The following CAPS2 variants were observed in gnomAD, a reference collection of about 807,000 sequenced individuals.
CAPS2 encodes calcyphosine 2.
A neutral mutation model predicts 86.5 loss-of-function variants in CAPS2; 98 were observed. The ratio of observed to expected loss-of-function variants is 1.13; its 90% CI spans 0.96 to 1.34. The LOEUF (loss-of-function observed/expected upper bound fraction) is 1.34, where lower values mean the gene tolerates loss of function less well. CAPS2 is among the 40% of genes most tolerant of loss of function. CAPS2 has a pLI of 0.00. For missense variants in CAPS2, 729 were observed against 686.8 expected (o/e 1.06, Z -0.69); for synonymous variants, 210 against 225.1 (o/e 0.93, Z 0.60).
chr12:75,282,531 C>A (rs1329938929), intron 15 of CAPS2, among the ~76,000 whole-genome samples, 184 bp from the exon 16 acceptor site: 2 of 151,982 alleles, frequency 1.3e-5, no homozygotes, highest in African/African-American at 4.8e-5. Flanking sequence ...GGACTACAGG[C>A]GCCCGCCACC....
intron 1 of CAPS2, among the ~76,000 whole-genome samples, chr12:75,339,351 T>C (rs1172959836): frequency 6.6e-6 from 1 of 152,212 alleles, no homozygotes; most frequent in Non-Finnish European, 1.5e-5. Flanking sequence ...TAATGCTAAC[T>C]GATGTTGAGC....
At chr12:75,334,516 C>T (rs1026777786), upstream of CAPS2, 6 of 1,361,302 alleles carry the variant, frequency 4.4e-6, no homozygotes, top group African/African-American at 8.8e-5. Context: ...CAGAGCTTTC[C>T]CCTGTAGCTC....
intron 1 of CAPS2, among the ~76,000 whole-genome samples, chr12:75,342,109 G>A (rs1287086398): frequency 6.6e-6 from 1 of 152,216 alleles, no homozygotes; most frequent in African/African-American, 2.4e-5. Context: ...GTGATCGCCA[G>A]GGGTTAAAGA....
chr12:75,312,660 A>G (rs2039350847), intron 7 of CAPS2, among the ~76,000 whole-genome samples, 188 bp downstream of exon 7: 2 of 152,208 alleles, frequency 1.3e-5, no homozygotes, highest in Non-Finnish European at 2.9e-5. Context: ...ACTGTTAGGT[A>G]TTTCTATTCG....
At chr12:75,381,523 T>C (rs538843528) in intron 1 of CAPS2, among the ~76,000 whole-genome samples, 15 of 140,482 alleles carry the variant, frequency 1.1e-4, no homozygotes, top group Admixed American at 7.9e-4. Context: ...TACACTGTTA[T>C]TTAGACTTTT....
intron 1 of CAPS2, among the ~76,000 whole-genome samples, chr12:75,340,073 C>A (rs1402843202): frequency 2.6e-5 from 4 of 151,630 alleles, no homozygotes. Context: ...GCTGCAAATG[C>A]CATTATTTTG....
chr12:75,335,390 A>T (rs564557251), intron 1 of CAPS2, among the ~76,000 whole-genome samples: 3 of 152,250 alleles, frequency 2.0e-5, no homozygotes, highest in Admixed American at 6.5e-5. Context: ...CTATTGAAGA[A>T]TAAGCATAAA....
intron 1 of CAPS2, among the ~76,000 whole-genome samples, chr12:75,345,769 T>C (rs149707174): frequency 1.4e-3 from 220 of 152,300 alleles, no homozygotes; most frequent in African/African-American, 4.9e-3. Context: ...GGCTGAGTCA[T>C]AGCTTTTATA....
intron 5 of CAPS2, among the ~76,000 whole-genome samples, 169 bp from the exon 6 acceptor site, chr12:75,316,603 T>G (rs534798482): frequency 1.8e-4 from 28 of 152,278 alleles, no homozygotes; most frequent in Admixed American, 7.9e-4. Context: ...GCTCTTCCAC[T>G]TGCCCGCTAG....
rs1346925410 is a variant in CAPS2 at position 75,382,771 on chromosome 12, C to T, written c.-395+8067G>A. ...AGGCTTAAAGTTTATCCCAAAATTG[C>T]TCTTGTTTTTAAAATTAAAGCTATA... On this transcript the variant is annotated intron_variant, in intron 1 of 5. Transcript: ENST00000551829. Among the ~76,000 whole-genome samples, 8 of 152,100 alleles carry T rather than the reference C, an allele frequency of 5.3e-5. No homozygotes were observed. The South Asian group carries it at 1.2e-3, about 24-fold the overall frequency.
chr12:75,319,073 C>T (rs1044626160), intron 5 of CAPS2, among the ~76,000 whole-genome samples: 7 of 152,058 alleles, frequency 4.6e-5, no homozygotes, highest in African/African-American at 1.7e-4. Flanking sequence ...TGTTTAATTT[C>T]AAGATGTCTC....
At chr12:75,285,322 T>G (rs1307749754) in intron 14 of CAPS2, among the ~76,000 whole-genome samples, 6 of 152,056 alleles carry the variant, frequency 3.9e-5, no homozygotes, top group Non-Finnish European at 8.8e-5. Flanking sequence ...CAAATTTACT[T>G]TTTTAAGTTT....
chr12:75,369,897 G>A, intron 1 of CAPS2: 1 of 1,315,008 alleles, frequency 7.6e-7, no homozygotes, highest in South Asian at 1.8e-5. Context: ...AGCCATAAAA[G>A]CAAAGAAATA....
chr12:75,276,381 G>C (rs1950044898), downstream of CAPS2: 1 of 1,359,386 alleles, frequency 7.4e-7, no homozygotes, highest in Admixed American at 3.6e-5. Flanking sequence ...TGAAATACTT[G>C]ATAACAAACA....
At chr12:75,311,120 G>C (rs1348740777) in intron 7 of CAPS2, among the ~76,000 whole-genome samples, 1 of 152,158 alleles carries the variant, frequency 6.6e-6, no homozygotes, top group African/African-American at 2.4e-5. Context: ...GAAATTCCTG[G>C]AAGGTTTTAT....
intron 1 of CAPS2, among the ~76,000 whole-genome samples, chr12:75,339,997 C>T (rs976663967): frequency 2.0e-5 from 3 of 152,048 alleles, no homozygotes; most frequent in Admixed American, 1.3e-4. Context: ...TGAGAACATA[C>T]AATGTTTCAT....
intron 1 of CAPS2, among the ~76,000 whole-genome samples, chr12:75,380,639 A>G (rs1257764806): frequency 6.6e-6 from 1 of 152,216 alleles, no homozygotes; most frequent in Non-Finnish European, 1.5e-5. Context: ...TGTGAATTCA[A>G]TGAGTGAAAA....
At chr12:75,352,225 G>C (rs550877180) in intron 1 of CAPS2, among the ~76,000 whole-genome samples, 1 of 152,210 alleles carries the variant, frequency 6.6e-6, no homozygotes, top group Non-Finnish European at 1.5e-5. Context: ...GCTGGATAAA[G>C]AGCCAACATC....
At chr12:75,296,662 C>T (rs1018427024) in intron 11 of CAPS2, among the ~76,000 whole-genome samples, 11 of 152,048 alleles carry the variant, frequency 7.2e-5, no homozygotes, top group Admixed American at 2.0e-4. Flanking sequence ...AAAACTGGCA[C>T]CAAAATTTCT....
Sources: gnomAD v4.1 joint callset for allele counts (sites outside exome capture counted in the v4.1 genomes callset) on GRCh38, gnomAD v4.1.1 for gene constraint, MANE v1.5 for transcripts, NCBI Gene and HGNC (gene_info 2026-07-23, HGNC 2026-07-21) for gene names.